The following CNTRL variants were observed in gnomAD, a reference collection of about 807,000 sequenced individuals.
CNTRL encodes the protein 110 kDa centrosomal protein.
In CNTRL, 233 loss-of-function variants were observed where a neutral mutation model predicts 303.7. The observed-to-expected ratio is 0.77, with a 90% CI of 0.69 to 0.86. The LOEUF is 0.86. Among genes scored for constraint, CNTRL ranks in the 40% least tolerant of loss-of-function variants. CNTRL has a pLI of 0.00. For synonymous variants in CNTRL, 900 were observed against 922.2 expected (o/e 0.98, Z 0.44); for missense variants, 2,524 against 2,650.6 (o/e 0.95, Z 1.05).
rs763230430 is a variant in CNTRL, at chr9:121,175,232, G to A, written c.6954+8G>A. On this transcript the variant is annotated splice_region_variant and intron_variant, in intron 43 of 43. Transcript: ENST00000373855. ...CAACTTGGACAAAATCAGGTAAGCA[G>A]CAGCTCTTTTTAAAAACAAAACAAT... The A allele has an allele frequency of 1.9e-6, 3 of 1,613,244 alleles. No homozygotes were observed. The Admixed American group carries it at 5.0e-5, about 27-fold the overall frequency.
intron 4 of CNTRL, among the ~76,000 whole-genome samples, chr9:121,092,081 A>C (rs1184314010): frequency 6.8e-6 from 1 of 146,444 alleles, no homozygotes; most frequent in African/African-American, 2.5e-5. Flanking sequence ...ATATTTATAT[A>C]TAAATATAAA....
rs562060771 is a variant in CNTRL at position 121,082,929 on chromosome 9, C to G, written c.-32+2451C>G. On this transcript the variant is annotated intron_variant, in intron 2 of 43. Transcript: ENST00000373855. ...AGGTTTCAGTGAGCCGAGATCGTGC[C>G]ACTGCACACCAGCCTGGGCGACAGA... 7.5e-5 allele frequency among the ~76,000 whole-genome samples: 11 copies of G among 146,560 alleles called. No individual in the cohort carries two copies. The East Asian group carries it at 1.8e-3, about 24-fold the overall frequency.
At chr9:121,165,885 G>C (rs1018251210) in intron 35 of CNTRL, among the ~76,000 whole-genome samples, 1 of 152,118 alleles carries the variant, frequency 6.6e-6, no homozygotes, top group Admixed American at 6.5e-5. Context: ...TTTTTTCGTT[G>C]TGAGATTTTG....
At chr9:121,169,844 T>C in intron 39 of CNTRL, 28 bp downstream of exon 39, 1 of 1,589,870 alleles carries the variant, frequency 6.3e-7, no homozygotes, top group Non-Finnish European at 8.6e-7. Context: ...TGGCAGTTTG[T>C]GAGGAAATGA....
At chr9:121,095,248 T>C (rs1190515010) in intron 5 of CNTRL, among the ~76,000 whole-genome samples, 1 of 152,216 alleles carries the variant, frequency 6.6e-6, no homozygotes, top group Non-Finnish European at 1.5e-5. Context: ...AAGAGATATA[T>C]TTTTGAGCAC....
chr9:121,160,698 G>C (rs1337746556), intron 32 of CNTRL, among the ~76,000 whole-genome samples: 2 of 152,150 alleles, frequency 1.3e-5, no homozygotes, highest in Non-Finnish European at 2.9e-5. Flanking sequence ...TTTGGAAACA[G>C]GCTGGGTGTG....
intron 16 of CNTRL, among the ~76,000 whole-genome samples, chr9:121,140,159 C>T (rs1023617004): frequency 5.3e-5 from 8 of 152,182 alleles, no homozygotes; most frequent in African/African-American, 1.7e-4. Flanking sequence ...TCCATCTCTC[C>T]GAGCATTGTA....
intron 16 of CNTRL, among the ~76,000 whole-genome samples, chr9:121,140,033 T>G (rs1199416861): frequency 1.3e-5 from 2 of 152,172 alleles, no homozygotes; most frequent in Non-Finnish European, 2.9e-5. Context: ...TCAGAAATCA[T>G]TTAGTTGCAA....
At chr9:121,135,618 C>T (rs918498205) in intron 14 of CNTRL, among the ~76,000 whole-genome samples, 188 bp from the exon 15 acceptor site, 1 of 152,106 alleles carries the variant, frequency 6.6e-6, no homozygotes, top group African/African-American at 2.4e-5. Flanking sequence ...TACATTTAGC[C>T]AGGGTTTTGT....
At chr9:121,149,392 C>CG (rs11436005) in intron 24 of CNTRL, among the ~76,000 whole-genome samples, 94,849 of 151,488 alleles carry the variant, frequency 0.63, 30,370 homozygotes, top group East Asian at 0.96. Flanking sequence ...CATTCAGAAA[C>CG]TTTTTTTTGT....
At chr9:121,173,785 T>A (rs372357452) in intron 42 of CNTRL, 48 bp downstream of exon 42, 21 of 1,540,174 alleles carry the variant, frequency 1.4e-5, no homozygotes, top group Non-Finnish European at 1.9e-5. Flanking sequence ...ACTGGGCACA[T>A]TGGGGAGGGG....
chr9:121,177,184 TGAG>T lies in CNTRL; in HGVS notation c.*1_*3del. 6.2e-7 allele frequency: 1 copy of T among 1,610,232 alleles called. No individual in the cohort carries two copies. The highest frequency in any genetic ancestry group is 1.1e-5 in the South Asian group (1 of 90,810). ...GTAGGAAAAGAATGCCTCAGCCAGA[TGAG>T]GAATACTGTCTTGTGTAAATATATT... On this transcript the variant is annotated stop_retained_variant and 3_prime_UTR_variant, in exon 44 of 44. Coordinates refer to ENST00000373855, the MANE Select transcript of CNTRL (RefSeq NM_007018.6).
In CNTRL at chr9:121,165,963, G is replaced by T; in HGVS notation, c.5582-144G>T. On this transcript the variant is annotated intron_variant, in intron 35 of 43. Transcript: ENST00000373855. ...GGATTGTGCATGTAACTCTCTTTTG[G>T]CCTTTAATGAGATAGTGTGGCATAG... 3.2e-6 allele frequency: 2 copies of T among 627,672 alleles called. 1 individual carries two copies. The highest frequency in any genetic ancestry group is 3.9e-5 in the South Asian group (2 of 50,800). 38.9% of individuals were successfully genotyped at this position (627,672 alleles called of 1,614,324 possible).
At chr9:121,161,142 G>GTA (rs1304442720) in intron 32 of CNTRL, 3 of 379,358 alleles carry the variant, frequency 7.9e-6, no homozygotes, top group Non-Finnish European at 1.5e-5. Context: ...GAGTGTGTGT[G>GTA]TGTGCGCGCG....
At chr9:121,150,131 T>C in intron 24 of CNTRL, 39 bp from the exon 25 acceptor site, 2 of 1,527,686 alleles carry the variant, frequency 1.3e-6, no homozygotes, top group Non-Finnish European at 8.9e-7. Context: ...GGTAAAACAC[T>C]CTTTTGTTGA....
Position 121,168,311 on chromosome 9 carries a change from C to CT in CNTRL, c.6061dup (p.Ser2021PhefsTer4). On this transcript the variant is annotated frameshift_variant, in exon 38 of 44. Coordinates refer to ENST00000373855, the MANE Select transcript of CNTRL (RefSeq NM_007018.6). LOFTEE classifies it high-confidence loss of function. Reference sequence around the variant, plus strand: ...GGTGTGAGAGCCTGGAGAAGACACTCTCCCAAACTAGTATGTATTCTGGAA... The same window carrying CT: ...GGTGTGAGAGCCTGGAGAAGACACTCTTCCCAAACTAGTATGTATTCTGGAA... 7 of 1,613,798 alleles carry CT rather than the reference C, an allele frequency of 4.3e-6. No individual in the cohort carries two copies. Among genetic ancestry groups the CT allele is most frequent in the Non-Finnish European group, 5.9e-6 (7 of 1,179,724 alleles).
At chr9:121,172,914 CCT>C (rs1167350779) in intron 40 of CNTRL, among the ~76,000 whole-genome samples, 1 of 152,080 alleles carries the variant, frequency 6.6e-6, no homozygotes, top group East Asian at 1.9e-4. Context: ...GCCAACTTGC[CCT>C]GTCATACTGG....
chr9:121,134,233 A>G (rs1385360037), intron 14 of CNTRL, among the ~76,000 whole-genome samples: 1 of 152,106 alleles, frequency 6.6e-6, no homozygotes, highest in East Asian at 1.9e-4. Flanking sequence ...TCACTACGAT[A>G]TCATTATTAC....
At chr9:121,096,373 G>T (rs748852029) in intron 5 of CNTRL, 49 bp from the exon 6 acceptor site, 4 of 1,174,368 alleles carry the variant, frequency 3.4e-6, no homozygotes, top group Non-Finnish European at 4.6e-6. Context: ...ACAATGGAGA[G>T]ACTCTATAAT....
Sources: allele counts gnomAD v4.1 joint callset (sites outside exome capture counted in the v4.1 genomes callset), GRCh38; gene constraint gnomAD v4.1.1; transcripts MANE v1.5; gene names NCBI Gene and HGNC (gene_info 2026-07-23, HGNC 2026-07-21).